The following GPC2 variants were observed in gnomAD, a reference collection of about 807,000 sequenced individuals.
GPC2 encodes glypican-2.
GPC2 carries 42 observed loss-of-function variants against 57.3 expected under a neutral mutation model. The observed-to-expected ratio is 0.73, with a 90% CI of 0.57 to 0.95. The LOEUF is 0.95. Ranked by LOEUF, GPC2 falls within the 40% of genes least tolerant of loss-of-function variation. GPC2 has a pLI of 0.00. For synonymous variants in GPC2, 364 were observed against 343.4 expected (o/e 1.06, Z -0.66); for missense variants, 745 against 793.6 (o/e 0.94, Z 0.74).
chr7:100,173,839 A>G lies in GPC2; in HGVS notation c.888T>C (p.Tyr296=). The G allele has an allele frequency of 6.4e-7, 1 of 1,561,574 alleles. No individual in the cohort carries two copies. The highest frequency in any genetic ancestry group is 8.7e-7 in the Non-Finnish European group (1 of 1,154,074). Residue 296 remains tyrosine (Y), a synonymous_variant, in exon 5 of 10, where the codon TAT becomes TAC. Transcript: ENST00000292377. ...SRGLEPDWGN[Y]LDGLLILADK... ...GGCTTTCTTGAATCCCCTCACCCAG[A>G]TAGTTGCCCCAGTCAGGCTCCAGTC...
Position 100,171,428 on chromosome 7 carries a change from G to C in GPC2, c.1319C>G (p.Pro440Arg). 1 of 1,456,766 alleles carries C rather than the reference G, an allele frequency of 6.9e-7. No homozygotes were observed. The allele number at this position is 1,456,766 out of a possible 1,614,324, so 90.2% of individuals were successfully genotyped here. A position where few individuals can be genotyped will look rare whatever the true frequency, so the allele number is the denominator to read the frequency against. ...WTGAGRGRYLPPVVGGSPAEQ... is the reference protein window; with the variant it reads ...WTGAGRGRYLRPVVGGSPAEQ... ...GGCCGGGGAGCCCCCGACCACTGGC[G>C]GCAAGTACCTGCGAGCAGAGCAGCC... Residue 440 changes from proline (P) to arginine (R), a missense_variant, in exon 9 of 10, where the codon CCG becomes CGG. Pro to Arg is a moderately radical substitution (Grantham distance 103). This residue lies in a region of GPC2 where 607 missense variants were observed against 603.9 expected (regional missense o/e 1.01). Transcript: ENST00000292377. The surrounding 1 kb of genome is among the most constrained non-coding windows in gnomAD (Gnocchi z 4.8).
intron 9 of GPC2, 118 bp from the exon 10 acceptor site, chr7:100,170,601 G>A (rs1447698693): frequency 2.1e-6 from 2 of 964,000 alleles, no homozygotes; most frequent in Non-Finnish European, 2.9e-6. Context: ...GACACAGGTG[G>A]ATGCCGGGTT....
At position 100,177,184 on chromosome 7, in the gene GPC2, G is replaced by A. The variant is rs762233816; in HGVS notation, c.16C>T (p.Pro6Ser). The A allele has an allele frequency of 8.1e-6, 13 of 1,613,274 alleles. No individual in the cohort carries two copies. The South Asian group carries it at 1.2e-4, about 15-fold the overall frequency. Reference sequence around the variant, plus strand: ...AGAGGCAGCAGCAGAAGCAGGAGAGGTCGCAGCGCGGACATAACTGCAGCC... The same window carrying A: ...AGAGGCAGCAGCAGAAGCAGGAGAGATCGCAGCGCGGACATAACTGCAGCC... The part of the protein sequence containing the change: MSALR[P>S]LLLLLLPLCP... Residue 6 changes from proline to serine, a missense_variant, in exon 1 of 10, where the codon CCT (proline) becomes TCT (serine). Pro to Ser is a moderately conservative substitution (Grantham distance 74). Transcript: ENST00000292377.
Position 100,171,650 on chromosome 7 carries a change from C to T in GPC2, c.1199G>A (p.Arg400Gln), listed in dbSNP as rs865840477. 7 of 1,519,014 alleles carry T rather than the reference C, an allele frequency of 4.6e-6. No homozygotes were observed. The highest frequency in any genetic ancestry group is 2.1e-5 in the Admixed American group (1 of 48,484). The allele number at this position is 1,519,014 out of a possible 1,614,324, so 94.1% of individuals were successfully genotyped here. Reference protein sequence around the residue: ...LVWELRERLARMRGFWARLSL... With the variant: ...LVWELRERLAQMRGFWARLSL... ...CAGCCGGGCCCAGAAGCCCCGCATC[C>T]GGGCCAGACGCTCGCGGAGCTCCCA... Residue 400 changes from arginine to glutamine, a missense_variant, in exon 8 of 10, where the codon CGG (arginine) becomes CAG (glutamine). Transcript: ENST00000292377. The surrounding 1 kb of genome is among the most constrained non-coding windows in gnomAD (Gnocchi z 4.8).
intron 4 of GPC2, chr7:100,174,444 G>A (rs1261879388): frequency 8.2e-6 from 5 of 607,582 alleles, no homozygotes; most frequent in Non-Finnish European, 1.5e-5. Context: ...GCAGGCCCTT[G>A]GGGACTGAGG....
At chr7:100,172,320 T>G (rs1799192992) in intron 5 of GPC2, 103 bp from the exon 6 acceptor site, 1 of 1,313,968 alleles carries the variant, frequency 7.6e-7, no homozygotes, top group Non-Finnish European at 1.1e-6. Context: ...AGCAAAGTGT[T>G]TGGGGGAAAC....
intron 4 of GPC2, 37 bp from the exon 5 acceptor site, chr7:100,174,034 G>A (rs775494209): frequency 7.5e-6 from 11 of 1,473,182 alleles, no homozygotes; most frequent in East Asian, 2.6e-5. Flanking sequence ...CTCCACAAAC[G>A]CTGTGGCTGC....
At chr7:100,175,517 G>T in intron 3 of GPC2, 55 bp downstream of exon 3, 1 of 1,427,310 alleles carries the variant, frequency 7.0e-7, no homozygotes, top group Non-Finnish European at 9.6e-7. Context: ...GTGGTGCACA[G>T]TTCAGGGGTC....
intron 2 of GPC2, 147 bp downstream of exon 2, chr7:100,176,060 G>A (rs1799269913): frequency 3.3e-6 from 2 of 597,860 alleles, no homozygotes; most frequent in African/African-American, 4.8e-5. Context: ...GGAGGGCAGG[G>A]CCCTGGAGAC....
rs1207159912 is a variant in GPC2, at chr7:100,171,664, G to C, written c.1185C>G (p.Arg395=). 5.3e-6 allele frequency: 8 copies of C among 1,506,058 alleles called. No homozygotes were observed. The East Asian group carries it at 1.6e-4, about 30-fold the overall frequency. 93.3% of individuals were successfully genotyped at this position (1,506,058 alleles called of 1,614,324 possible). A position where few individuals can be genotyped will look rare whatever the true frequency, so the allele number is the denominator to read the frequency against. The stretch of plus-strand genomic sequence containing the variant: ...AGCCCCGCATCCGGGCCAGACGCTC[G>C]CGGAGCTCCCACACCTGGGCGGGCG... ...TNLHRLVWEL[R]ERLARMRGFW... is the part of the protein sequence containing the mutation. Residue 395 remains arginine (R), a synonymous_variant, in exon 8 of 10, where the codon CGC becomes CGG. Coordinates refer to ENST00000292377, the MANE Select transcript of GPC2 (RefSeq NM_152742.3). The surrounding 1 kb of genome is among the most constrained non-coding windows in gnomAD (Gnocchi z 4.8).
Position 100,171,759 on chromosome 7 carries a change from C to T in GPC2, c.1170+20G>A, listed in dbSNP as rs1348296095. 9 of 1,516,808 alleles carry T rather than the reference C, an allele frequency of 5.9e-6. No homozygotes were observed. Among genetic ancestry groups the T allele is most frequent in the Non-Finnish European group, 7.9e-6 (9 of 1,142,050 alleles). 94.0% of individuals were successfully genotyped at this position (1,516,808 alleles called of 1,614,324 possible). A position where few individuals can be genotyped will look rare whatever the true frequency, so the allele number is the denominator to read the frequency against. On this transcript the variant is annotated intron_variant, in intron 7 of 9. Coordinates refer to ENST00000292377, the MANE Select transcript of GPC2 (RefSeq NM_152742.3). The surrounding 1 kb of genome is among the most constrained non-coding windows in gnomAD (Gnocchi z 4.8). ...CGGCCCCGGGCCCCCCCGCCCCCAA[C>T]TCTTGGTCATCCCACGCACCAGCCG...
Position 100,176,376 on chromosome 7 carries a change from G to A in GPC2, c.167-11C>T. The stretch of plus-strand genomic sequence containing the variant: ...CCCGGAGGTGCTCACCTGGACAGAG[G>A]AGACGTGAAGGAATGGTGGGAAGTG... On this transcript the variant is annotated splice_polypyrimidine_tract_variant and intron_variant, in intron 1 of 9. Transcript: ENST00000292377. 1 of 1,609,082 alleles carries A rather than the reference G, an allele frequency of 6.2e-7. No homozygotes were observed. Among genetic ancestry groups the A allele is most frequent in the African/African-American group, 1.3e-5 (1 of 74,796 alleles).
Position 100,171,559 on chromosome 7 carries a change from C to G in GPC2, c.1290G>C (p.Trp430Cys). ...ADASLEAAPC[W>C]TGAGRGRYLP... Reference sequence around the variant, plus strand: ...CTCACCGGCCCCGCCCGGCTCCGGTCCAGCAGGGCGCCGCCTCCAGCGAGG... The same window carrying G: ...CTCACCGGCCCCGCCCGGCTCCGGTGCAGCAGGGCGCCGCCTCCAGCGAGG... Residue 430 changes from tryptophan (W) to cysteine (C), a missense_variant, in exon 8 of 10, where the codon TGG (tryptophan) becomes TGC (cysteine). Around this residue, in one of 2 missense-constraint regions of GPC2, gnomAD observed 607 missense variants for 603.9 expected, o/e 1.01. Coordinates refer to ENST00000292377, the MANE Select transcript of GPC2 (RefSeq NM_152742.3). The surrounding 1 kb of genome is among the most constrained non-coding windows in gnomAD (Gnocchi z 4.8). The G allele has an allele frequency of 6.7e-7, 1 of 1,487,100 alleles. No individual in the cohort carries two copies. The highest frequency in any genetic ancestry group is 8.9e-7 in the Non-Finnish European group (1 of 1,128,544). 92.1% of individuals were successfully genotyped at this position (1,487,100 alleles called of 1,614,324 possible).
intron 5 of GPC2, among the ~76,000 whole-genome samples, chr7:100,172,465 A>ATTTTTTTT: frequency 7.1e-6 from 1 of 140,192 alleles, no homozygotes; most frequent in Middle Eastern, 3.8e-3. Context: ...GGATTTTAGG[A>ATTTTTTTT]TTTTTTTTTT....
chr7:100,175,732 AG>A lies in GPC2; in HGVS notation c.487del (p.Leu163TrpfsTer55). 6.2e-7 allele frequency: 1 copy of A among 1,614,146 alleles called. No homozygotes were observed. The highest frequency in any genetic ancestry group is 8.5e-7 in the Non-Finnish European group (1 of 1,180,018). ...GESGEGLDDT[L>X]ADFWAQLLER... ...CAGGAGCTGTGCCCAGAAATCCGCC[AG>A]GGTGTCATCCAACCCCTCACCAGAT... On this transcript the variant is annotated frameshift_variant, in exon 3 of 10. Transcript: ENST00000292377. LOFTEE classifies it high-confidence loss of function.
chr7:100,174,718 C>A lies in GPC2; in HGVS notation c.696G>T (p.Glu232Asp), dbSNP rs780305400. 19 of 1,614,150 alleles carry A rather than the reference C, an allele frequency of 1.2e-5. No individual in the cohort carries two copies. Among genetic ancestry groups the A allele is most frequent in the Non-Finnish European group, 1.6e-5 (19 of 1,180,000 alleles). ...VAARAFVQGL[E>D]TGRNVVSEAL... Reference sequence around the variant, plus strand: ...CTTCGCTGACCACATTTCTTCCAGTCTCCAGGCCCTGCACAAAGGCTCGGG... The same window carrying A: ...CTTCGCTGACCACATTTCTTCCAGTATCCAGGCCCTGCACAAAGGCTCGGG... The change falls in exon 4 of 10, where the codon GAG becomes GAT. Residue 232 changes from glutamate to aspartate, a missense_variant. Transcript: ENST00000292377.
intron 4 of GPC2, chr7:100,174,202 G>C: frequency 1.9e-6 from 1 of 525,946 alleles, no homozygotes; most frequent in East Asian, 3.2e-5. Context: ...TGGAAATAGA[G>C]AGGCAGTTAG....
chr7:100,174,005 C>A lies in GPC2; in HGVS notation c.730-8G>T. On this transcript the variant is annotated splice_polypyrimidine_tract_variant and splice_region_variant and intron_variant, in intron 4 of 9. Coordinates refer to ENST00000292377, the MANE Select transcript of GPC2 (RefSeq NM_152742.3). The stretch of plus-strand genomic sequence containing the variant: ...GCCTTCAGACACCGGCACCTGGGGG[C>A]AGAGAGTGGGGCTGTGTCCTCCACA... 6.4e-7 allele frequency: 1 copy of A among 1,563,254 alleles called. No homozygotes were observed. Among genetic ancestry groups the A allele is most frequent in the Non-Finnish European group, 8.7e-7 (1 of 1,155,306 alleles).
chr7:100,171,340 C>G lies in GPC2; in HGVS notation c.1407G>C (p.Arg469=). ...DASGPDVPTR[R]RRLQLRAATA... is the part of the protein sequence containing the mutation. ...TGGCCGCCCGGAGCTGTAGCCGACG[C>G]CGCCGTGTCGGGACATCGGGGCCCG... Residue 469 remains arginine (R), a synonymous_variant, in exon 9 of 10, where the codon CGG becomes CGC. Transcript: ENST00000292377. This position sits in a 1 kb window ranked among gnomAD's most constrained non-coding sequence, Gnocchi z 4.8. 2.6e-6 allele frequency: 4 copies of G among 1,544,808 alleles called. No homozygotes were observed. Among genetic ancestry groups the G allele is most frequent in the Non-Finnish European group, 2.6e-6 (3 of 1,145,056 alleles).
Sources: gnomAD v4.1 joint callset for allele counts (sites outside exome capture counted in the v4.1 genomes callset) on GRCh38, gnomAD v4.1.1 for gene constraint, gnomAD v4.1.1 regional missense constraint, Gnocchi (gnomAD v3.1) non-coding constraint, MANE v1.5 for transcripts, NCBI Gene and HGNC (gene_info 2026-07-23, HGNC 2026-07-21) for gene names.